PPHLN1: variants seen among roughly 807,000 people sequenced by gnomAD.
PPHLN1 encodes periphilin-1.
A neutral mutation model predicts 51.3 loss-of-function variants in PPHLN1; 29 were observed. The observed-to-expected ratio is 0.57, with a 90% CI of 0.42 to 0.77. The LOEUF is 0.77. Among genes scored for constraint, PPHLN1 ranks in the 30% least tolerant of loss-of-function variants. PPHLN1 has a pLI of 0.00. For synonymous variants in PPHLN1, 147 were observed against 147.8 expected, an observed-to-expected ratio of 0.99 and a Z score of 0.04; for missense variants, 436 against 438.4, an observed-to-expected ratio of 0.99 and a Z score of 0.05.
intron 7 of PPHLN1, among the ~76,000 whole-genome samples, chr12:42,392,000 T>C (rs1041375794): frequency 6.6e-6 from 1 of 152,178 alleles, no homozygotes; most frequent in Non-Finnish European, 1.5e-5. Context: ...GCGGATAACC[T>C]GAGCTCAGGA....
chr12:42,359,221 A>G (rs145497813), intron 4 of PPHLN1: 178 of 152,280 alleles, frequency 1.2e-3, no homozygotes, highest in African/African-American at 4.2e-3. Flanking sequence ...TAACTGTACC[A>G]TGGGCATTAA....
Position 42,358,644 on chromosome 12 carries a change from G to A in PPHLN1, c.299+3422G>A, listed in dbSNP as rs142262545. Among the ~76,000 whole-genome samples the A allele has an allele frequency of 7.1e-3, 1,086 of 152,242 alleles. 12 individuals are homozygous for A. Among genetic ancestry groups the A allele is most frequent in the African/African-American group, 0.025 (1,035 of 41,530 alleles). On this transcript the variant is annotated intron_variant, in intron 4 of 9. Coordinates refer to ENST00000358314, the MANE Select transcript of PPHLN1 (RefSeq NM_201439.2). ...TGGTCTTGAACTCCTGGGCTCAAGC[G>A]ATCCTCCTGCCTTGGTCTCCCAGAG...
chr12:42,381,583 T>G (rs2076761542), intron 5 of PPHLN1, among the ~76,000 whole-genome samples: 1 of 152,214 alleles, frequency 6.6e-6, no homozygotes, highest in African/African-American at 2.4e-5. Context: ...CAATGCTTTC[T>G]CTGCCCCTCT....
At chr12:42,330,771 G>A (rs924402172) in intron 1 of PPHLN1, among the ~76,000 whole-genome samples, 5 of 152,152 alleles carry the variant, frequency 3.3e-5, no homozygotes, top group Non-Finnish European at 5.9e-5. Flanking sequence ...GTGCAGTGGT[G>A]CAATCTTGGC....
At position 42,387,662 on chromosome 12, in the gene PPHLN1, T is replaced by A. The variant is rs185204599; in HGVS notation, c.648+127T>A. 1,775 of 1,310,192 alleles carry A rather than the reference T, an allele frequency of 1.4e-3. 2 individuals carry two copies. Among genetic ancestry groups the A allele is most frequent in the Non-Finnish European group, 1.6e-3 (1,613 of 996,356 alleles). The allele number at this position is 1,310,192 out of a possible 1,614,324, so 81.2% of individuals were successfully genotyped here. A position where few individuals can be genotyped will look rare whatever the true frequency, so the allele number is the denominator to read the frequency against. On this transcript the variant is annotated intron_variant, in intron 7 of 9. Transcript: ENST00000358314. ...ATTTGCTGCATTTAAAAACTTAAAT[T>A]TTTGGCTAGGTGTGGTGGCTCATGC...
Position 42,369,571 on chromosome 12 carries a change from T to G in PPHLN1, c.300-5292T>G, listed in dbSNP as rs142788414. On this transcript the variant is annotated intron_variant, in intron 4 of 9. Transcript: ENST00000358314. ...TTCTAAATTTTTAACATATATTATTTTGTTTATTCCTCACATCAACTCTGT... is the reference window on the plus strand; with the variant it reads ...TTCTAAATTTTTAACATATATTATTGTGTTTATTCCTCACATCAACTCTGT... Among the ~76,000 whole-genome samples, 260 of 152,328 alleles carry G rather than the reference T, an allele frequency of 1.7e-3. 2 individuals are homozygous for G. The highest frequency in any genetic ancestry group is 3.4e-3 in the Non-Finnish European group (229 of 68,034).
chr12:42,349,594 G>A (rs914144892), intron 2 of PPHLN1, among the ~76,000 whole-genome samples: 1 of 151,958 alleles, frequency 6.6e-6, no homozygotes, highest in African/African-American at 2.4e-5. Flanking sequence ...TTGAGATTAG[G>A]GAGTGGTGAT....
At chr12:42,373,868 C>G (rs1212598153) in intron 4 of PPHLN1, among the ~76,000 whole-genome samples, 1 of 152,126 alleles carries the variant, frequency 6.6e-6, no homozygotes, top group Non-Finnish European at 1.5e-5. Context: ...AGGATGCACA[C>G]TCAGCAAGAA....
intron 9 of PPHLN1, among the ~76,000 whole-genome samples, chr12:42,428,928 G>T (rs1031192890): frequency 6.7e-6 from 1 of 150,328 alleles, no homozygotes; most frequent in Non-Finnish European, 1.5e-5. Flanking sequence ...TGGATGTTTT[G>T]GACATGACTT....
intron 2 of PPHLN1, among the ~76,000 whole-genome samples, chr12:42,341,283 C>T (rs557638616): frequency 2.6e-5 from 4 of 151,952 alleles, no homozygotes; most frequent in Middle Eastern, 3.4e-3. Flanking sequence ...CCGGCTTCTC[C>T]GTTTTTTCTT....
chr12:42,414,431 G>T (rs1461383369), intron 9 of PPHLN1, among the ~76,000 whole-genome samples: 1 of 152,142 alleles, frequency 6.6e-6, no homozygotes, highest in African/African-American at 2.4e-5. Flanking sequence ...CATGAGCATG[G>T]GATATGTTTC....
At position 42,384,922 on chromosome 12, in the gene PPHLN1, C is replaced by A. The variant is rs2278855; in HGVS notation, c.512-18C>A. The A allele has an allele frequency of 6.5e-4, 1,044 of 1,595,120 alleles. 7 individuals are homozygous for A. In the East Asian group the frequency reaches 0.012, roughly 18 times the overall value. On this transcript the variant is annotated intron_variant, in intron 5 of 9. Coordinates refer to ENST00000358314, the MANE Select transcript of PPHLN1 (RefSeq NM_201439.2). The stretch of plus-strand genomic sequence containing the variant: ...CAGAGGTGCTGCTGTTAATTCCTCC[C>A]TGCCCACCTTTCCATAGAGTCCGTG...
intron 9 of PPHLN1, among the ~76,000 whole-genome samples, chr12:42,432,661 C>T (rs772455663): frequency 2.8e-4 from 42 of 152,226 alleles, no homozygotes; most frequent in South Asian, 1.7e-3. Flanking sequence ...GTTCCAGTGT[C>T]TTCATCTAGC....
intron 4 of PPHLN1, among the ~76,000 whole-genome samples, chr12:42,356,459 G>A (rs1199278888): frequency 1.3e-5 from 2 of 152,198 alleles, no homozygotes; most frequent in Non-Finnish European, 1.5e-5. Context: ...TTCCCTGGGA[G>A]TGACCTGCCA....
At chr12:42,350,182 G>T (rs1366437620) in intron 2 of PPHLN1, 1 of 148,712 alleles carries the variant, frequency 6.7e-6, no homozygotes, top group East Asian at 2.1e-4. Flanking sequence ...GGGCGGCTGG[G>T]GGAGGCGCCC....
chr12:42,352,955 G>A (rs558489510), intron 3 of PPHLN1, among the ~76,000 whole-genome samples: 40 of 151,970 alleles, frequency 2.6e-4, no homozygotes, highest in Non-Finnish European at 4.9e-4. Context: ...CAGGTGTGGT[G>A]GTGGGTGCCT....
chr12:42,329,396 C>T (rs562476040), intron 1 of PPHLN1, among the ~76,000 whole-genome samples: 17 of 152,238 alleles, frequency 1.1e-4, no homozygotes, highest in South Asian at 2.1e-4. Flanking sequence ...TGAGCCACCG[C>T]GCCCGGCCTG....
At chr12:42,433,391 C>T (rs1378852658) in intron 9 of PPHLN1, 2 of 380,474 alleles carry the variant, frequency 5.3e-6, no homozygotes, top group African/African-American at 2.1e-5. Context: ...GGTGCGTTCT[C>T]TGCTCACTGC....
At chr12:42,446,680 T>C, downstream of PPHLN1, 1 of 1,562,746 alleles carries the variant, frequency 6.4e-7, no homozygotes. Flanking sequence ...CAAAACCTGA[T>C]GCAAAAAACA....
Sources: gnomAD v4.1 joint callset for allele counts (sites outside exome capture counted in the v4.1 genomes callset) on GRCh38, gnomAD v4.1.1 for gene constraint, MANE v1.5 for transcripts, NCBI Gene and HGNC (gene_info 2026-07-23, HGNC 2026-07-21) for gene names.